The following CNOT4 variants were observed in gnomAD, a reference collection of about 807,000 sequenced individuals.
The protein encoded by CNOT4 is CCR4-associated factor 4.
A neutral mutation model predicts 73.8 loss-of-function variants in CNOT4; 8 were observed. The ratio of observed to expected loss-of-function variants is 0.11; its 90% CI spans 0.06 to 0.20. CNOT4 has a LOEUF of 0.20. Among genes scored for constraint, CNOT4 ranks in the 10% least tolerant of loss-of-function variants. The pLI is 1.00. For synonymous variants in CNOT4, 293 were observed against 321.1 expected (o/e 0.91, Z 0.94); for missense variants, 564 against 883.4 (o/e 0.64, Z 4.58).
chr7:135,367,538 T>G (rs552189490), intron 10 of CNOT4, among the ~76,000 whole-genome samples: 1 of 152,176 alleles, frequency 6.6e-6, no homozygotes, highest in Non-Finnish European at 1.5e-5. Context: ...GGAAATGCAA[T>G]TTGGAGCACA....
intron 10 of CNOT4, among the ~76,000 whole-genome samples, chr7:135,370,768 T>G (rs1795160179): frequency 6.6e-6 from 1 of 152,180 alleles, no homozygotes. Context: ...AACAGATGGT[T>G]CTCTCCAAAA....
At chr7:135,482,102 A>C (rs950766466) in intron 1 of CNOT4, among the ~76,000 whole-genome samples, 4 of 152,218 alleles carry the variant, frequency 2.6e-5, no homozygotes, top group Admixed American at 2.6e-4. Context: ...AATGTTCCCA[A>C]CACAAATAAT....
chr7:135,396,720 T>C (rs1445165339), intron 8 of CNOT4, among the ~76,000 whole-genome samples: 2 of 142,150 alleles, frequency 1.4e-5, no homozygotes, highest in Non-Finnish European at 2.9e-5. Context: ...GGTACTGATA[T>C]AATACTCCTC....
intron 1 of CNOT4, among the ~76,000 whole-genome samples, chr7:135,473,107 T>C (rs1005120470): frequency 2.6e-5 from 4 of 152,140 alleles, no homozygotes; most frequent in African/African-American, 9.7e-5. Context: ...TACCTTAGAA[T>C]GTAGTTTTAA....
chr7:135,482,319 G>A (rs573608585), intron 1 of CNOT4, among the ~76,000 whole-genome samples: 6 of 152,198 alleles, frequency 3.9e-5, no homozygotes, highest in Admixed American at 3.9e-4. Flanking sequence ...ACTTTGGGAG[G>A]CCAAGGCAGG....
At chr7:135,468,692 A>AG (rs1285723349) in intron 1 of CNOT4, among the ~76,000 whole-genome samples, 1 of 151,712 alleles carries the variant, frequency 6.6e-6, no homozygotes, top group Non-Finnish European at 1.5e-5. Context: ...CTCAAAAAAA[A>AG]AAAAAAAAAA....
At chr7:135,464,442 C>T (rs1801095385) in intron 1 of CNOT4, among the ~76,000 whole-genome samples, 1 of 152,084 alleles carries the variant, frequency 6.6e-6, no homozygotes, top group Non-Finnish European at 1.5e-5. Context: ...AACAGACAGC[C>T]AAATACTGCA....
chr7:135,403,508 G>A (rs113173693), intron 7 of CNOT4, among the ~76,000 whole-genome samples: 5,348 of 152,220 alleles, frequency 0.035, 322 homozygotes, highest in African/African-American at 0.12. Flanking sequence ...AGTCCTAGTT[G>A]CTCAGGAGGC....
chr7:135,398,871 C>T (rs1171534428), intron 7 of CNOT4, among the ~76,000 whole-genome samples: 1 of 151,984 alleles, frequency 6.6e-6, no homozygotes, highest in Non-Finnish European at 1.5e-5. Flanking sequence ...TTGAAATATT[C>T]TCCATAGGTT....
intron 8 of CNOT4, among the ~76,000 whole-genome samples, chr7:135,397,552 AT>A (rs1796762331): frequency 3.3e-5 from 5 of 151,230 alleles, no homozygotes; most frequent in Non-Finnish European, 5.9e-5. Flanking sequence ...ACTAAATTAC[AT>A]TTATTTTACC....
chr7:135,453,447 A>G (rs1800299055), intron 1 of CNOT4, among the ~76,000 whole-genome samples: 1 of 151,758 alleles, frequency 6.6e-6, no homozygotes, highest in Non-Finnish European at 1.5e-5. Flanking sequence ...CTGCCAGTGT[A>G]TCTGTCTCAA....
At chr7:135,474,035 A>C (rs1280459680) in intron 1 of CNOT4, among the ~76,000 whole-genome samples, 7 of 146,584 alleles carry the variant, frequency 4.8e-5, no homozygotes, top group African/African-American at 1.8e-4. Context: ...GCTGGAGTGC[A>C]ATGGTGCAAT....
At chr7:135,422,545 AT>A (rs559270810) in intron 2 of CNOT4, among the ~76,000 whole-genome samples, 192 bp from the exon 3 acceptor site, 5 of 152,102 alleles carry the variant, frequency 3.3e-5, no homozygotes, top group Non-Finnish European at 7.4e-5. Flanking sequence ...CTAATAAAAA[AT>A]TTTTTGGAGC....
chr7:135,460,170 C>T (rs760079795), intron 1 of CNOT4, among the ~76,000 whole-genome samples: 1 of 152,194 alleles, frequency 6.6e-6, no homozygotes, highest in Non-Finnish European at 1.5e-5. Context: ...TCTAGGCAGA[C>T]GACTCAAACT....
chr7:135,505,832 T>A (rs563310987), intron 1 of CNOT4, among the ~76,000 whole-genome samples: 1 of 152,274 alleles, frequency 6.6e-6, no homozygotes. Flanking sequence ...AAAAAAGAAA[T>A]GTGTCACAGA....
At position 135,398,195 on chromosome 7, in the gene CNOT4, T is replaced by C; in HGVS notation, c.853A>G (p.Ile285Val). The change falls in exon 8 of 12, where the codon ATA becomes GTA. Residue 285 changes from isoleucine (I) to valine (V), a missense_variant. By Grantham distance (29) the Ile-to-Val change is conservative. Around this residue, in one of 10 missense-constraint regions of CNOT4, gnomAD observed 135 missense variants for 154.0 expected, o/e 0.88. Transcript: ENST00000541284. ...PIDKPSDSLS[I>V]GNGDNSQQIS... Reference sequence around the variant, plus strand: ...TGCTGGGAATTATCACCGTTCCCTATACTGAGAGAATCTGAAGGTTTGTCA... The same window carrying C: ...TGCTGGGAATTATCACCGTTCCCTACACTGAGAGAATCTGAAGGTTTGTCA... 2 of 1,554,644 alleles carry C rather than the reference T, an allele frequency of 1.3e-6. No homozygotes were observed. The highest frequency in any genetic ancestry group is 1.8e-6 in the Non-Finnish European group (2 of 1,126,784).
In CNOT4 at chr7:135,362,917, A is replaced by G. The variant is rs199954839; in HGVS notation, c.2110T>C (p.Leu704=). 45 of 1,610,214 alleles carry G rather than the reference A, an allele frequency of 2.8e-5. No individual in the cohort carries two copies. The Admixed American group carries it at 6.2e-4, about 22-fold the overall frequency. ...FRPPSKTPTD[L]LQSSTLDRH Reference sequence around the variant, plus strand: ...CGGTCCAGTGTTGAACTCTGTAGTAAATCTGTGGGGGTTTTGCTGGGGGGT... The same window carrying G: ...CGGTCCAGTGTTGAACTCTGTAGTAGATCTGTGGGGGTTTTGCTGGGGGGT... Residue 704 remains leucine, a synonymous_variant, in exon 12 of 12, where the codon TTA becomes CTA. Coordinates refer to ENST00000541284, the MANE Select transcript of CNOT4 (RefSeq NM_001190850.2).
intron 1 of CNOT4, among the ~76,000 whole-genome samples, chr7:135,470,932 A>G (rs572063368): frequency 6.6e-6 from 1 of 152,212 alleles, no homozygotes; most frequent in Non-Finnish European, 1.5e-5. Flanking sequence ...GTCAAAACTC[A>G]TCTAACACTT....
chr7:135,414,283 T>C (rs1436580941), intron 5 of CNOT4, 48 bp downstream of exon 5: 5 of 738,204 alleles, frequency 6.8e-6, no homozygotes, highest in Non-Finnish European at 1.2e-5. Flanking sequence ...CTATATTTTA[T>C]CTCGTCTTCC....
Sources: allele counts gnomAD v4.1 joint callset (sites outside exome capture counted in the v4.1 genomes callset), GRCh38; gene constraint gnomAD v4.1.1; regional missense constraint gnomAD v4.1.1; transcripts MANE v1.5; gene names NCBI Gene and HGNC (gene_info 2026-07-23, HGNC 2026-07-21).